Variants in SV2C observed in about 807,000 individuals in gnomAD.
The protein encoded by SV2C is solute carrier family 22 member B3.
SV2C carries 49 observed loss-of-function variants against 79.7 expected under a neutral mutation model. That is an observed-to-expected ratio of 0.61 (90% CI 0.49 to 0.78). SV2C has a LOEUF of 0.78. Among genes scored for constraint, SV2C ranks in the 30% least tolerant of loss-of-function variants. SV2C has a pLI of 0.00. For synonymous variants in SV2C, 334 were observed against 333.2 expected (o/e 1.00, Z -0.03); for missense variants, 833 against 912.9 (o/e 0.91, Z 1.13).
rs577998799 is a variant in SV2C at position 76,206,658 on chromosome 5, C to T, written c.762-3078C>T. 2.1e-4 allele frequency among the ~76,000 whole-genome samples: 32 copies of T among 152,266 alleles called. No homozygotes were observed. The South Asian group carries it at 2.3e-3, about 11-fold the overall frequency. ...GAGTCTGGGAAATTCAGTTCTTTTG[C>T]GTAAACACTTAGCACATGTCCACTG... On this transcript the variant is annotated intron_variant, in intron 3 of 12. Coordinates refer to ENST00000502798, the MANE Select transcript of SV2C (RefSeq NM_014979.4).
At chr5:75,882,014 T>C in the SV2C span, among the ~76,000 whole-genome samples, 4 of 150,048 alleles carry the variant, frequency 2.7e-5, no homozygotes, top group African/African-American at 1.0e-4. Context: ...TGAAGTGTTG[T>C]TGAATTTTGT....
chr5:76,151,784 C>T (rs1749613517), intron 2 of SV2C, among the ~76,000 whole-genome samples: 1 of 149,790 alleles, frequency 6.7e-6, no homozygotes, highest in Admixed American at 6.7e-5. Context: ...TCACACAGTG[C>T]CCTTAGCAGA....
intron 4 of SV2C, among the ~76,000 whole-genome samples, chr5:76,233,930 C>G (rs1482393103): frequency 1.3e-5 from 2 of 152,016 alleles, no homozygotes; most frequent in Admixed American, 6.6e-5. Flanking sequence ...GAGCTCATGG[C>G]TGATTTTATT....
At chr5:75,900,134 T>A in the SV2C span, among the ~76,000 whole-genome samples, 1 of 152,180 alleles carries the variant, frequency 6.6e-6, no homozygotes, top group Non-Finnish European at 1.5e-5. Context: ...TTTTGCTTGT[T>A]AGTTGATGCA....
At chr5:75,918,752 G>T in the SV2C span, among the ~76,000 whole-genome samples, 1 of 152,172 alleles carries the variant, frequency 6.6e-6, no homozygotes, top group Non-Finnish European at 1.5e-5. Context: ...GATATCCCAA[G>T]TGGAAGCAGA....
the SV2C span, among the ~76,000 whole-genome samples, chr5:76,059,437 A>G: frequency 6.6e-6 from 1 of 151,994 alleles, no homozygotes; most frequent in Non-Finnish European, 1.5e-5. Context: ...TTGTCATTTC[A>G]GCAATGTTCA....
At chr5:75,997,906 G>A in the SV2C span, among the ~76,000 whole-genome samples, 1 of 151,956 alleles carries the variant, frequency 6.6e-6, no homozygotes, top group Admixed American at 6.6e-5. Flanking sequence ...GTTTATTGTG[G>A]CACTATTCAC....
chr5:76,325,248 A>G, intron 12 of SV2C, 116 bp from the exon 13 acceptor site: 1 of 1,064,930 alleles, frequency 9.4e-7, no homozygotes, highest in Non-Finnish European at 1.4e-6. Context: ...GATTTGCTCC[A>G]CTGATATACA....
At chr5:75,994,854 T>C in the SV2C span, among the ~76,000 whole-genome samples, 9 of 152,116 alleles carry the variant, frequency 5.9e-5, no homozygotes, top group Non-Finnish European at 1.0e-4. Flanking sequence ...TAATTCAGTA[T>C]GAGTTCAAAG....
chr5:76,091,122 A>G (rs1580258202), intron 1 of SV2C, among the ~76,000 whole-genome samples: 1 of 152,178 alleles, frequency 6.6e-6, no homozygotes, highest in African/African-American at 2.4e-5. Context: ...TCAACACAAG[A>G]CAGAATACTC....
intron 4 of SV2C, among the ~76,000 whole-genome samples, chr5:76,245,643 T>C (rs927362603): frequency 2.0e-5 from 3 of 152,182 alleles, no homozygotes; most frequent in Non-Finnish European, 2.9e-5. Flanking sequence ...TAATGTCTGG[T>C]CAGCTGAGGT....
chr5:75,882,766 C>G, the SV2C span, among the ~76,000 whole-genome samples: 1 of 150,746 alleles, frequency 6.6e-6, no homozygotes, highest in African/African-American at 2.5e-5. Flanking sequence ...GGATTAAAGA[C>G]TTACATGTTA....
chr5:76,258,070 T>C (rs1746346185), intron 4 of SV2C, among the ~76,000 whole-genome samples: 2 of 139,862 alleles, frequency 1.4e-5, no homozygotes, highest in East Asian at 2.2e-4. Context: ...GTTTATGTAG[T>C]ATGGGGGGTG....
chr5:75,934,538 G>A, the SV2C span, among the ~76,000 whole-genome samples: 3 of 151,826 alleles, frequency 2.0e-5, no homozygotes, highest in African/African-American at 4.8e-5. Context: ...CACCTGCCTC[G>A]GCCTCCCAAA....
intron 4 of SV2C, among the ~76,000 whole-genome samples, chr5:76,212,141 A>G (rs66763318): frequency 0.13 from 19,430 of 151,990 alleles, 1,686 homozygotes; most frequent in Non-Finnish European, 0.19. Flanking sequence ...AGCCACCCTC[A>G]GAACCTTCCT....
the SV2C span, among the ~76,000 whole-genome samples, chr5:75,983,769 C>T: frequency 2.0e-5 from 3 of 152,048 alleles, no homozygotes; most frequent in African/African-American, 7.2e-5. Flanking sequence ...CTGCATAGTG[C>T]CTTCCCTGCC....
At chr5:76,347,127 G>C (rs949691082) in intron 12 of SV2C, among the ~76,000 whole-genome samples, 1 of 152,186 alleles carries the variant, frequency 6.6e-6, no homozygotes, top group African/African-American at 2.4e-5. Flanking sequence ...CTGTGATGGA[G>C]GCCTCAGCCA....
chr5:76,112,474 G>A (rs941927091), intron 1 of SV2C, among the ~76,000 whole-genome samples: 2 of 152,230 alleles, frequency 1.3e-5, no homozygotes, highest in Admixed American at 1.3e-4. Flanking sequence ...GAGGAGGCAG[G>A]CGAGGCCTTG....
intron 6 of SV2C, among the ~76,000 whole-genome samples, chr5:76,286,237 C>T (rs1747353545): frequency 6.6e-6 from 1 of 152,126 alleles, no homozygotes; most frequent in African/African-American, 2.4e-5. Context: ...CTCTGACTCC[C>T]AGGTTCAGTA....
Sources: gnomAD v4.1 joint callset for allele counts (sites outside exome capture counted in the v4.1 genomes callset) on GRCh38, gnomAD v4.1.1 for gene constraint, MANE v1.5 for transcripts, NCBI Gene and HGNC (gene_info 2026-07-23, HGNC 2026-07-21) for gene names.